PLEKHA7: variants seen among roughly 807,000 people sequenced by gnomAD.
PLEKHA7 encodes the protein pleckstrin homology domain-containing family A member 7.
Under a neutral mutation model 170.0 loss-of-function variants are expected in PLEKHA7, and 104 were observed. The observed-to-expected ratio is 0.61, with a 90% CI of 0.52 to 0.72. The LOEUF is 0.72. Among genes scored for constraint, PLEKHA7 ranks in the 30% least tolerant of loss-of-function variants. The probability of loss-of-function intolerance (pLI) is 0.00; values close to 1 mark genes in which losing one functional copy is unlikely to be tolerated. For synonymous variants in PLEKHA7, 648 were observed against 660.8 expected (o/e 0.98, Z 0.30); for missense variants, 1,615 against 1,671.7 (o/e 0.97, Z 0.59).
intron 3 of PLEKHA7, among the ~76,000 whole-genome samples, chr11:16,880,571 G>A (rs1049760654): frequency 6.6e-6 from 1 of 152,084 alleles, no homozygotes; most frequent in African/African-American, 2.4e-5. Flanking sequence ...TCAAGAACAC[G>A]CTTTCTTTTC....
In PLEKHA7 at chr11:16,789,074, TG is replaced by T. The variant is rs763514471; in HGVS notation, c.3357+21del. 11 of 1,596,388 alleles carry T rather than the reference TG, an allele frequency of 6.9e-6. No homozygotes were observed. Among genetic ancestry groups the T allele is most frequent in the Non-Finnish European group, 6.8e-6 (8 of 1,178,588 alleles). The stretch of plus-strand genomic sequence containing the variant: ...ACTCGGCTCCCTGTCCCTGCCCCGC[TG>T]CCTGGCCCCTCCTAACATACTGAGC... On this transcript the variant is annotated intron_variant, in intron 23 of 26. Coordinates refer to ENST00000531066, the MANE Select transcript of PLEKHA7 (RefSeq NM_001329630.2). The surrounding 1 kb of genome is among the most constrained non-coding windows in gnomAD (Gnocchi z 4.6).
At position 16,783,813 on chromosome 11, in the gene PLEKHA7, C is replaced by T. The variant is rs1252387884; in HGVS notation, c.3537G>A (p.Val1179=). The T allele has an allele frequency of 2.7e-6, 4 of 1,503,650 alleles. No individual in the cohort carries two copies. The Admixed American group carries it at 6.5e-5, about 24-fold the overall frequency. The allele number at this position is 1,503,650 out of a possible 1,614,324, so 93.1% of individuals were successfully genotyped here. ...GCTCCACGTAGCGCTCAGGGATTGA[C>T]ACCTTCTCTGGTTTGGACAGCTGGG... The part of the protein sequence containing the change: ...ISRELSKPEK[V]SIPERYVELD... The change falls in exon 25 of 27, where the codon GTG becomes GTA. Residue 1179 remains valine, a synonymous_variant. Coordinates refer to ENST00000531066, the MANE Select transcript of PLEKHA7 (RefSeq NM_001329630.2).
At chr11:16,993,745 C>A (rs565176915) in intron 3 of PLEKHA7, among the ~76,000 whole-genome samples, 120 of 152,206 alleles carry the variant, frequency 7.9e-4, no homozygotes, top group African/African-American at 2.8e-3. Context: ...GGACCTTTGG[C>A]AAGCCCTGTA....
intron 13 of PLEKHA7, among the ~76,000 whole-genome samples, chr11:16,804,314 T>C (rs1454840456): frequency 2.0e-5 from 3 of 152,226 alleles, no homozygotes; most frequent in Non-Finnish European, 4.4e-5. Flanking sequence ...GTGTGTGCTA[T>C]GCAGAGAGGT....
chr11:16,794,429 A>C, intron 19 of PLEKHA7, 59 bp downstream of exon 19: 1 of 1,507,058 alleles, frequency 6.6e-7, no homozygotes, highest in Non-Finnish European at 9.2e-7. Flanking sequence ...TCCCAGGAGA[A>C]GGTAATCTGA....
In PLEKHA7 at chr11:16,778,480, C is replaced by T; in HGVS notation, c.*518G>A. On this transcript the variant is annotated 3_prime_UTR_variant, in exon 27 of 27. Transcript: ENST00000531066. The stretch of plus-strand genomic sequence containing the variant: ...GGTCATCAGGTCAGGGACAGCTGAT[C>T]TCTGCAGCCAAGGGCCCCTCTTCTC... The T allele has an allele frequency of 5.7e-6, 1 of 174,058 alleles. No homozygotes were observed. The highest frequency in any genetic ancestry group is 1.3e-5 in the Non-Finnish European group (1 of 79,838). 10.8% of individuals were successfully genotyped at this position (174,058 alleles called of 1,614,324 possible). A position where few individuals can be genotyped will look rare whatever the true frequency, so the allele number is the denominator to read the frequency against.
chr11:16,855,702 T>G (rs1853379829), intron 5 of PLEKHA7, 101 bp downstream of exon 5: 1 of 887,278 alleles, frequency 1.1e-6, no homozygotes, highest in Non-Finnish European at 1.8e-6. Flanking sequence ...TATGGGTCTC[T>G]CTCACAAAAC....
chr11:16,968,026 A>G (rs149791642), intron 3 of PLEKHA7, among the ~76,000 whole-genome samples: 174 of 152,290 alleles, frequency 1.1e-3, no homozygotes, highest in African/African-American at 3.9e-3. Context: ...GAGGGAAAGA[A>G]GAAGGGAGAA....
chr11:16,786,897 G>C, intron 23 of PLEKHA7: 1 of 985,444 alleles, frequency 1.0e-6, no homozygotes, highest in Non-Finnish European at 1.2e-6. Flanking sequence ...CGCACTTACA[G>C]TAGGGCTGGG....
At chr11:16,886,611 T>A (rs527958206) in intron 3 of PLEKHA7, among the ~76,000 whole-genome samples, 97 of 150,456 alleles carry the variant, frequency 6.4e-4, no homozygotes, top group African/African-American at 2.3e-3. Flanking sequence ...CTCAGGAGGC[T>A]GAGGCAGGAG....
At chr11:16,818,793 T>TC (rs893910386) in intron 10 of PLEKHA7, among the ~76,000 whole-genome samples, 14 of 151,234 alleles carry the variant, frequency 9.3e-5, no homozygotes, top group African/African-American at 3.4e-4. Flanking sequence ...TTTTCTTTCT[T>TC]TTTTTTTTCT....
chr11:16,822,903 G>A (rs73423168), intron 10 of PLEKHA7, among the ~76,000 whole-genome samples: 118 of 152,312 alleles, frequency 7.7e-4, no homozygotes, highest in African/African-American at 2.8e-3. Context: ...AACTCTCCAG[G>A]TGATTCCAAT....
chr11:16,811,422 C>T (rs1454182433), intron 13 of PLEKHA7, among the ~76,000 whole-genome samples: 1 of 152,118 alleles, frequency 6.6e-6, no homozygotes, highest in Non-Finnish European at 1.5e-5. Context: ...AAGAACTATG[C>T]AGGCAGCTGC....
chr11:17,006,735 T>C (rs988497277), intron 3 of PLEKHA7, among the ~76,000 whole-genome samples: 3 of 152,090 alleles, frequency 2.0e-5, no homozygotes, highest in Non-Finnish European at 2.9e-5. Context: ...GAGGAAAATA[T>C]AGAAGACAGG....
rs1852790941 is a variant in PLEKHA7 at position 16,850,003 on chromosome 11, A to ACCACTATGG, written c.696+1179_696+1187dup. On this transcript the variant is annotated intron_variant, in intron 8 of 26. Transcript: ENST00000531066. Reference sequence around the variant, plus strand: ...TGAGACTGACTTTCCAACCACCAGCACCACTATGGCTCCAGATCAAGGTGT... The same window carrying ACCACTATGG: ...TGAGACTGACTTTCCAACCACCAGCACCACTATGGCCACTATGGCTCCAGATCAAGGTGT... Among the ~76,000 whole-genome samples the ACCACTATGG allele has an allele frequency of 3.9e-5, 6 of 152,246 alleles. No individual in the cohort carries two copies. In the South Asian group the frequency reaches 1.2e-3, roughly 32 times the overall value.
chr11:16,919,597 G>C (rs967794542), intron 3 of PLEKHA7, among the ~76,000 whole-genome samples: 1 of 152,028 alleles, frequency 6.6e-6, no homozygotes, highest in African/African-American at 2.4e-5. Context: ...CCAGGAGTTG[G>C]ATGCTGCAGT....
intron 4 of PLEKHA7, among the ~76,000 whole-genome samples, chr11:16,867,343 G>C (rs933702419): frequency 1.3e-5 from 2 of 152,150 alleles, no homozygotes; most frequent in African/African-American, 4.8e-5. Context: ...CACACTTTGA[G>C]AACCGCTGCT....
chr11:16,786,028 A>G (rs763529512), intron 24 of PLEKHA7, among the ~76,000 whole-genome samples: 3 of 152,180 alleles, frequency 2.0e-5, no homozygotes, highest in Non-Finnish European at 2.9e-5. Flanking sequence ...TTTGCCCTAA[A>G]TTACAGAGAG....
At chr11:16,896,163 A>T (rs181203395) in intron 3 of PLEKHA7, among the ~76,000 whole-genome samples, 1 of 152,188 alleles carries the variant, frequency 6.6e-6, no homozygotes, top group African/African-American at 2.4e-5. Context: ...CCAACTGTCT[A>T]TTAGACACTT....
Sources: allele counts gnomAD v4.1 joint callset (sites outside exome capture counted in the v4.1 genomes callset), GRCh38; gene constraint gnomAD v4.1.1; non-coding constraint Gnocchi (gnomAD v3.1); transcripts MANE v1.5; gene names NCBI Gene and HGNC (gene_info 2026-07-23, HGNC 2026-07-21).